C22orf15: variants seen among roughly 807,000 people sequenced by gnomAD.
C22orf15 encodes chromosome 22 open reading frame 15.
Under a neutral mutation model 20.3 loss-of-function variants are expected in C22orf15, and 21 were observed. That is an observed-to-expected ratio of 1.04 (90% CI 0.74 to 1.49). C22orf15 has a LOEUF of 1.49. C22orf15 is among the 40% of genes most tolerant of loss of function. C22orf15 has a pLI of 0.00. For synonymous variants in C22orf15, 78 were observed against 75.4 expected, an observed-to-expected ratio of 1.03 and a Z score of -0.18; for missense variants, 170 against 191.1, an observed-to-expected ratio of 0.89 and a Z score of 0.65.
Position 23,763,144 on chromosome 22 carries a change from G to A in C22orf15, c.-163G>A, listed in dbSNP as rs1925984786. ...AAGCAGCAGAACCACAGAGGTGGCTGAGCAGGGGCCTGGCCCTGGGACCCA... is the reference window on the plus strand; with the variant it reads ...AAGCAGCAGAACCACAGAGGTGGCTAAGCAGGGGCCTGGCCCTGGGACCCA... On this transcript the variant is annotated 5_prime_UTR_variant, in exon 1 of 6. Transcript: ENST00000402217. 1.8e-5 allele frequency: 16 copies of A among 904,378 alleles called. No homozygotes were observed. The highest frequency in any genetic ancestry group is 2.5e-5 in the Non-Finnish European group (15 of 590,638). 56.0% of individuals were successfully genotyped at this position (904,378 alleles called of 1,614,324 possible).
chr22:23,763,360 G>A (rs769890130), intron 1 of C22orf15, 29 bp downstream of exon 1: 3 of 1,544,364 alleles, frequency 1.9e-6, no homozygotes, highest in Non-Finnish European at 1.7e-6. Context: ...CTTGGTAGGC[G>A]GATAGGGGGA....
At chr22:23,763,372 G>A (rs767668463) in intron 1 of C22orf15, 41 bp downstream of exon 1, 2 of 1,537,882 alleles carry the variant, frequency 1.3e-6, no homozygotes, top group South Asian at 2.4e-5. Flanking sequence ...ATAGGGGGAT[G>A]AGCACACTCA....
chr22:23,765,048 C>A, intron 5 of C22orf15, 146 bp downstream of exon 5: 8 of 1,484,658 alleles, frequency 5.4e-6, no homozygotes, highest in Non-Finnish European at 7.1e-6. Flanking sequence ...AACACCAACT[C>A]CACGCACATA....
intron 1 of C22orf15, 87 bp from the exon 2 acceptor site, chr22:23,764,000 A>AAGGGAGAGATGGG (rs1926176731): frequency 7.6e-7 from 1 of 1,315,006 alleles, no homozygotes; most frequent in Non-Finnish European, 1.1e-6. Context: ...AGCTCTGGGA[A>AAGGGAGAGATGGG]AGGGAGAGAT....
intron 5 of C22orf15, chr22:23,765,157 T>A (rs995095348): frequency 7.0e-7 from 1 of 1,435,298 alleles, no homozygotes; most frequent in African/African-American, 1.4e-5. Flanking sequence ...GCTTCACAGA[T>A]GTGGCATAGG....
chr22:23,763,177 A>G lies in C22orf15; in HGVS notation c.-130A>G. 7.8e-7 allele frequency: 1 copy of G among 1,287,484 alleles called. No homozygotes were observed. The highest frequency in any genetic ancestry group is 1.1e-6 in the Non-Finnish European group (1 of 922,208). The allele number at this position is 1,287,484 out of a possible 1,614,324, so 79.8% of individuals were successfully genotyped here. ...GCCTGGCCCTGGGACCCAGCCATCC[A>G]CACTCACACATCCACTTCTCCCTCC... On this transcript the variant is annotated 5_prime_UTR_variant, in exon 1 of 6. Coordinates refer to ENST00000402217, the MANE Select transcript of C22orf15 (RefSeq NM_182520.3).
In C22orf15 at chr22:23,765,747, C is replaced by T. The variant is rs1054055; in HGVS notation, c.*15C>T. On this transcript the variant is annotated 3_prime_UTR_variant, in exon 6 of 6. Transcript: ENST00000402217. ...GCCCTGATTAAGGGGATGGATTGCA[C>T]ACTGTAGTGAGACATCCATCCTGAC... 16,944 of 1,550,786 alleles carry T rather than the reference C, an allele frequency of 0.011. 1,572 individuals carry two copies. The African/African-American group carries it at 0.2, about 19-fold the overall frequency.
In C22orf15 at chr22:23,764,385, G is replaced by T. The variant is rs776696250; in HGVS notation, c.238G>T (p.Val80Phe). 6.4e-7 allele frequency: 1 copy of T among 1,556,744 alleles called. No homozygotes were observed. The highest frequency in any genetic ancestry group is 8.7e-7 in the Non-Finnish European group (1 of 1,149,876). The change falls in exon 3 of 6, where the codon GTT (valine) becomes TTT (phenylalanine). Residue 80 changes from valine (V) to phenylalanine (F), a missense_variant. Transcript: ENST00000402217. ...GAAGGAGCGAGCCATATATGTCCTC[G>T]TTCGGATCATCAGTAAGGTGGCCCA... ...LLKERAIYVL[V>F]RIIKGEDMAS...
intron 1 of C22orf15, among the ~76,000 whole-genome samples, chr22:23,763,875 G>A (rs1029305948): frequency 6.6e-6 from 1 of 152,240 alleles, no homozygotes; most frequent in Admixed American, 6.5e-5. Context: ...CACCACACAT[G>A]GGAGAAAAGT....
At chr22:23,765,555 C>A (rs752535644) in intron 5 of C22orf15, 166 bp from the exon 6 acceptor site, 1 of 1,537,666 alleles carries the variant, frequency 6.5e-7, no homozygotes, top group Non-Finnish European at 8.8e-7. Context: ...GGCAGGTATC[C>A]CTGATAAGGG....
At chr22:23,763,498 C>G (rs1926058188) in intron 1 of C22orf15, among the ~76,000 whole-genome samples, 167 bp downstream of exon 1, 1 of 152,226 alleles carries the variant, frequency 6.6e-6, no homozygotes, top group African/African-American at 2.4e-5. Flanking sequence ...GAAGCCAGCA[C>G]CTGGAGCGAG....
At position 23,765,762 on chromosome 22, in the gene C22orf15, T is replaced by A; in HGVS notation, c.*30T>A. The A allele has an allele frequency of 6.5e-7, 1 of 1,549,866 alleles. No individual in the cohort carries two copies. The highest frequency in any genetic ancestry group is 8.7e-7 in the Non-Finnish European group (1 of 1,145,976). On this transcript the variant is annotated 3_prime_UTR_variant, in exon 6 of 6. Transcript: ENST00000402217. ...ATGGATTGCACACTGTAGTGAGACA[T>A]CCATCCTGACCCCACCTCATCAGCC...
intron 5 of C22orf15, 77 bp from the exon 6 acceptor site, chr22:23,765,644 C>G: frequency 6.6e-7 from 1 of 1,514,140 alleles, no homozygotes; most frequent in Non-Finnish European, 8.9e-7. Flanking sequence ...CTCTCCACCT[C>G]ACTCTGGACT....
intron 5 of C22orf15, chr22:23,765,451 G>A (rs1476184571): frequency 1.3e-6 from 2 of 1,550,818 alleles, no homozygotes; most frequent in African/African-American, 1.4e-5. Flanking sequence ...TCAGCAAGAG[G>A]GGCAAGGTCA....
chr22:23,764,426 C>G, intron 3 of C22orf15, 29 bp downstream of exon 3: 1 of 1,589,594 alleles, frequency 6.3e-7, no homozygotes, highest in South Asian at 1.1e-5. Context: ...CTCTCCCCTG[C>G]AGCTATGGTA....
chr22:23,765,599 C>T (rs1270809963), intron 5 of C22orf15, 122 bp from the exon 6 acceptor site: 6 of 1,515,868 alleles, frequency 4.0e-6, no homozygotes, highest in Non-Finnish European at 1.8e-6. Flanking sequence ...ATTCCACCCT[C>T]AGAGTCAGAT....
In C22orf15 at chr22:23,764,873, G is replaced by T. The variant is rs1926487635; in HGVS notation, c.406G>T (p.Glu136Ter). ...TATGGGCACTCGGCGAGGCCGCCAT[G>T]AGCAAAGCCCCACTTCAAGGCCCAG... is the stretch of plus-strand genomic sequence containing the variant. Reference protein sequence around the residue: ...KRMGTRRGRHEQSPTSRPRKG... With the variant: ...KRMGTRRGRH Residue 136 changes from glutamate to a stop codon, truncating the protein, a stop_gained, in exon 5 of 6, where the codon GAG becomes TAG. Transcript: ENST00000402217. LOFTEE classifies it high-confidence loss of function. The T allele has an allele frequency of 6.2e-7, 1 of 1,613,432 alleles. No homozygotes were observed.
rs1439725884 is a variant in C22orf15, at chr22:23,764,191, A to T, written c.112+18A>T. 6.4e-7 allele frequency: 1 copy of T among 1,551,572 alleles called. No homozygotes were observed. Among genetic ancestry groups the T allele is most frequent in the Admixed American group, 2.0e-5 (1 of 50,994 alleles). On this transcript the variant is annotated intron_variant, in intron 2 of 5. Transcript: ENST00000402217. Reference sequence around the variant, plus strand: ...CCCAGATGGTGAGGAGACAGGGAGGAGAAGGAGGGGCTGAGGGGTCCCAGG... The same window carrying T: ...CCCAGATGGTGAGGAGACAGGGAGGTGAAGGAGGGGCTGAGGGGTCCCAGG...
intron 5 of C22orf15, 105 bp from the exon 6 acceptor site, chr22:23,765,616 G>A: frequency 6.6e-7 from 1 of 1,512,928 alleles, no homozygotes; most frequent in Non-Finnish European, 8.9e-7. Flanking sequence ...AGATGCCCTT[G>A]GGATCACCGA....
Sources: gnomAD v4.1 joint callset for allele counts (sites outside exome capture counted in the v4.1 genomes callset) on GRCh38, gnomAD v4.1.1 for gene constraint, MANE v1.5 for transcripts, NCBI Gene and HGNC (gene_info 2026-07-23, HGNC 2026-07-21) for gene names.